JMJD1C: variants seen among roughly 807,000 people sequenced by gnomAD.
JMJD1C encodes the protein jumonji domain-containing protein 1C.
Under a neutral mutation model 245.3 loss-of-function variants are expected in JMJD1C, and 31 were observed. That is an observed-to-expected ratio of 0.13 (90% CI 0.09 to 0.17). The LOEUF (loss-of-function observed/expected upper bound fraction) is 0.17. JMJD1C is among the 10% of genes least tolerant of loss of function. The pLI, the probability that JMJD1C is intolerant of heterozygous loss-of-function variation, is 1.00. For missense variants in JMJD1C, 2,691 were observed against 3,000.2 expected, an observed-to-expected ratio of 0.90 and a Z score of 2.41; for synonymous variants, 1,057 against 1,017.4, an observed-to-expected ratio of 1.04 and a Z score of -0.74.
intron 2 of JMJD1C, among the ~76,000 whole-genome samples, chr10:63,363,378 C>T (rs1350959235): frequency 2.6e-5 from 4 of 151,480 alleles, no homozygotes; most frequent in African/African-American, 7.3e-5. Context: ...CTTGCCTCAG[C>T]CTCCCGAGTA....
chr10:63,420,923 A>C (rs978623101), intron 1 of JMJD1C, among the ~76,000 whole-genome samples: 1 of 152,146 alleles, frequency 6.6e-6, no homozygotes, highest in South Asian at 2.1e-4. Context: ...CAAAAAACCA[A>C]AACATGCATT....
intron 1 of JMJD1C, among the ~76,000 whole-genome samples, chr10:63,453,958 G>A (rs1952235565): frequency 6.6e-6 from 1 of 152,054 alleles, no homozygotes; most frequent in Admixed American, 6.6e-5. Flanking sequence ...CCTGACCTCA[G>A]GTGATCCGCT....
At chr10:63,423,711 A>C (rs1427283345) in intron 1 of JMJD1C, among the ~76,000 whole-genome samples, 1 of 152,208 alleles carries the variant, frequency 6.6e-6, no homozygotes, top group Non-Finnish European at 1.5e-5. Context: ...TTTTCGAGGA[A>C]TTGCCAAGCT....
At chr10:63,445,472 C>A (rs541874305) in intron 1 of JMJD1C, among the ~76,000 whole-genome samples, 25 of 152,002 alleles carry the variant, frequency 1.6e-4, no homozygotes, top group Non-Finnish European at 3.2e-4. Flanking sequence ...TAAGGGGAGA[C>A]CAGACCTGAC....
intron 1 of JMJD1C, among the ~76,000 whole-genome samples, chr10:63,474,104 T>TAATAAATA (rs146201242): frequency 6.6e-6 from 1 of 151,014 alleles, no homozygotes; most frequent in Non-Finnish European, 1.5e-5. Flanking sequence ...AAAATAATAA[T>TAATAAATA]AATAAATAAA....
At chr10:63,224,757 T>C (rs145144055) in intron 3 of JMJD1C, among the ~76,000 whole-genome samples, 1 of 152,230 alleles carries the variant, frequency 6.6e-6, no homozygotes, top group African/African-American at 2.4e-5. Flanking sequence ...CTTGAGCTCG[T>C]GTGAGATTAA....
chr10:63,435,119 C>A (rs1344332286), intron 1 of JMJD1C, among the ~76,000 whole-genome samples: 1 of 152,220 alleles, frequency 6.6e-6, no homozygotes, highest in Non-Finnish European at 1.5e-5. Context: ...CTGTAATCTT[C>A]TCATATAAAT....
intron 2 of JMJD1C, among the ~76,000 whole-genome samples, chr10:63,326,844 A>C (rs935394558): frequency 1.3e-5 from 2 of 152,038 alleles, no homozygotes; most frequent in Admixed American, 6.6e-5. Context: ...GTGCCATTGC[A>C]CTCCAGCCTG....
At chr10:63,189,059 G>A in intron 18 of JMJD1C, 109 bp downstream of exon 18, 2 of 878,720 alleles carry the variant, frequency 2.3e-6, no homozygotes, top group Non-Finnish European at 3.4e-6. Context: ...CCCCAAATGT[G>A]TTAACCACTA....
At chr10:63,292,296 C>A (rs931826750) in intron 2 of JMJD1C, among the ~76,000 whole-genome samples, 1 of 151,678 alleles carries the variant, frequency 6.6e-6, no homozygotes, top group African/African-American at 2.4e-5. Flanking sequence ...TAATTTCACT[C>A]CCACAGGCTT....
intron 1 of JMJD1C, among the ~76,000 whole-genome samples, chr10:63,516,745 A>G (rs1425657174): frequency 6.6e-6 from 1 of 152,180 alleles, no homozygotes; most frequent in African/African-American, 2.4e-5. Flanking sequence ...GCCATCACAG[A>G]TGTATTTTAC....
intron 2 of JMJD1C, among the ~76,000 whole-genome samples, chr10:63,319,923 C>T (rs1760024952): frequency 6.6e-6 from 1 of 152,144 alleles, no homozygotes; most frequent in Non-Finnish European, 1.5e-5. Context: ...GCCACCACAC[C>T]CAGCTAATTT....
At chr10:63,305,140 G>A (rs895252678) in intron 2 of JMJD1C, among the ~76,000 whole-genome samples, 2 of 151,832 alleles carry the variant, frequency 1.3e-5, no homozygotes, top group Admixed American at 1.3e-4. Flanking sequence ...AGGCCGAGGC[G>A]GGCGGATCAC....
chr10:63,521,461 G>A, intron 1 of JMJD1C: 1 of 907,632 alleles, frequency 1.1e-6, no homozygotes, highest in Non-Finnish European at 1.4e-6. Context: ...AGGAGCCGGC[G>A]AAGCGCGCGG....
chr10:63,197,300 TAATAC>T lies in JMJD1C; in HGVS notation c.5644+106_5644+110del, dbSNP rs1845564878. The T allele has an allele frequency of 2.1e-5, 19 of 885,374 alleles. No homozygotes were observed. In the South Asian group the frequency reaches 3.1e-4, roughly 14 times the overall value. The allele number at this position is 885,374 out of a possible 1,614,324, so 54.8% of individuals were successfully genotyped here. The stretch of plus-strand genomic sequence containing the variant: ...TAAAAACAAACTGAAAAAAAATACT[TAATAC>T]ATTAATAAGGAAAGTAGGAATAAAA... On this transcript the variant is annotated intron_variant, in intron 13 of 25. Coordinates refer to ENST00000399262, the MANE Select transcript of JMJD1C (RefSeq NM_032776.3).
At chr10:63,189,134 C>T in intron 18 of JMJD1C, 34 bp downstream of exon 18, 2 of 1,554,308 alleles carry the variant, frequency 1.3e-6, no homozygotes, top group Non-Finnish European at 1.7e-6. Flanking sequence ...TTCAGTTCCA[C>T]CAAGAGTGTT....
At chr10:63,474,606 A>G (rs1241827558) in intron 1 of JMJD1C, among the ~76,000 whole-genome samples, 1 of 151,972 alleles carries the variant, frequency 6.6e-6, no homozygotes, top group East Asian at 1.9e-4. Flanking sequence ...ATGTACCACC[A>G]CGTCCAGCTC....
intron 2 of JMJD1C, among the ~76,000 whole-genome samples, chr10:63,278,345 G>GAATAATAATAATAATAAT (rs59676296): frequency 6.3e-5 from 9 of 142,924 alleles, no homozygotes; most frequent in African/African-American, 7.7e-5. Context: ...AATTAAAAGA[G>GAATAATAATAATAATAAT]AATAATAATA....
intron 2 of JMJD1C, among the ~76,000 whole-genome samples, chr10:63,360,887 C>T (rs1416320247): frequency 2.6e-5 from 4 of 151,956 alleles, no homozygotes; most frequent in Non-Finnish European, 5.9e-5. Flanking sequence ...TGGGATCAAG[C>T]GATTCTCCTG....
Sources: allele counts gnomAD v4.1 joint callset (sites outside exome capture counted in the v4.1 genomes callset), GRCh38; gene constraint gnomAD v4.1.1; transcripts MANE v1.5; gene names NCBI Gene and HGNC (gene_info 2026-07-23, HGNC 2026-07-21).